The following CST7 variants were observed in gnomAD, a reference collection of about 807,000 sequenced individuals.
CST7 encodes the protein cystatin-F.
Under a neutral mutation model 13.1 loss-of-function variants are expected in CST7, and 15 were observed. The observed-to-expected ratio is 1.14, with a 90% CI of 0.77 to 1.76. The LOEUF is 1.76. Among genes scored for constraint, CST7 ranks in the 40% most tolerant of loss-of-function variants. CST7 has a pLI of 0.00. For missense variants in CST7, 193 were observed against 178.8 expected, an observed-to-expected ratio of 1.08 and a Z score of -0.45; for synonymous variants, 75 against 66.9, an observed-to-expected ratio of 1.12 and a Z score of -0.59.
chr20:24,953,029 G>C (rs573472178), intron 1 of CST7, among the ~76,000 whole-genome samples: 1 of 152,348 alleles, frequency 6.6e-6, no homozygotes, highest in South Asian at 2.1e-4. Flanking sequence ...GGACAGGAAC[G>C]TACCCTGCCC....
In CST7 at chr20:24,957,370, G is replaced by C. The variant is rs1173980463; in HGVS notation, c.154G>C (p.Ala52Pro). ...GACCAATGACCCAGGAGTCCTCCAA[G>C]CAGCCAGATACAGTGTTGAAAAGTT... is the stretch of plus-strand genomic sequence containing the variant. ...IKTNDPGVLQ[A>P]ARYSVEKFNN... Residue 52 changes from alanine to proline, a missense_variant, in exon 2 of 4, where the codon GCA becomes CCA. Coordinates refer to ENST00000480798, the MANE Select transcript of CST7 (RefSeq NM_003650.4). 9 of 1,613,796 alleles carry C rather than the reference G, an allele frequency of 5.6e-6. No homozygotes were observed. The highest frequency in any genetic ancestry group is 6.8e-6 in the Non-Finnish European group (8 of 1,179,802).
At chr20:24,953,816 G>A (rs2087836080) in intron 1 of CST7, among the ~76,000 whole-genome samples, 1 of 152,208 alleles carries the variant, frequency 6.6e-6, no homozygotes, top group African/African-American at 2.4e-5. Context: ...TTTCTATACA[G>A]ACGGATTTTA....
chr20:24,957,213 G>A, intron 1 of CST7, 74 bp from the exon 2 acceptor site: 1 of 1,471,370 alleles, frequency 6.8e-7, no homozygotes, highest in Non-Finnish European at 9.3e-7. Flanking sequence ...GCATCACAGA[G>A]GCATGAGGCG....
At position 24,959,682 on chromosome 20, in the gene CST7, C is replaced by T. The variant is rs762295495; in HGVS notation, c.408C>T (p.His136=). The change falls in exon 4 of 4, where the codon CAC becomes CAT. Residue 136 remains histidine (H), a synonymous_variant. Coordinates refer to ENST00000480798, the MANE Select transcript of CST7 (RefSeq NM_003650.4). ...TCTGGGTCGTGCCCTGGCTCCAGCA[C>T]TTCGAGGTGCCTGTTCTCCGTTGTC... ...SEVWVVPWLQ[H]FEVPVLRCH The T allele has an allele frequency of 1.9e-6, 3 of 1,614,002 alleles. No individual in the cohort carries two copies. Among genetic ancestry groups the T allele is most frequent in the Admixed American group, 1.7e-5 (1 of 60,016 alleles).
rs966988891 is a variant in CST7, at chr20:24,955,510, C to T, written c.71-1777C>T. Among the ~76,000 whole-genome samples the T allele has an allele frequency of 3.4e-5, 5 of 147,818 alleles. No individual in the cohort carries two copies. The South Asian group carries it at 8.7e-4, about 26-fold the overall frequency. ...TGTTGCCCAGGCTGGAGTGCAGTGGCGCGATCTCGGCTCACTGCAAGCTCC... is the reference window on the plus strand; with the variant it reads ...TGTTGCCCAGGCTGGAGTGCAGTGGTGCGATCTCGGCTCACTGCAAGCTCC... On this transcript the variant is annotated intron_variant, in intron 1 of 3. Coordinates refer to ENST00000480798, the MANE Select transcript of CST7 (RefSeq NM_003650.4).
intron 1 of CST7, among the ~76,000 whole-genome samples, chr20:24,956,341 C>G (rs2087853933): frequency 6.6e-6 from 1 of 152,142 alleles, no homozygotes; most frequent in Non-Finnish European, 1.5e-5. Context: ...CAGTGCCCAG[C>G]TATGAAGCCT....
At position 24,957,408 on chromosome 20, in the gene CST7, GAACGACAT is replaced by G. The variant is rs773240917; in HGVS notation, c.193_200del (p.Asn65ValfsTer42). Reference sequence around the variant, plus strand: ...GTGTTGAAAAGTTCAACAACTGCACGAACGACATGTTCTTGTTCAAGGAGTCCCGCATC... The same window carrying G: ...GTGTTGAAAAGTTCAACAACTGCACGGTTCTTGTTCAAGGAGTCCCGCATC... On this transcript the variant is annotated frameshift_variant, in exon 2 of 4. Coordinates refer to ENST00000480798, the MANE Select transcript of CST7 (RefSeq NM_003650.4). LOFTEE classifies it high-confidence loss of function. 1.9e-6 allele frequency: 3 copies of G among 1,613,724 alleles called. No homozygotes were observed. Among genetic ancestry groups the G allele is most frequent in the East Asian group, 4.5e-5 (2 of 44,878 alleles).
chr20:24,953,195 A>C (rs127131), intron 1 of CST7, among the ~76,000 whole-genome samples: 121,535 of 152,216 alleles, frequency 0.8, 49,364 homozygotes, highest in East Asian at 0.99. Context: ...CACAGCCAGT[A>C]GATGCTCAGA....
chr20:24,959,871 G>A lies in CST7; in HGVS notation c.*159G>A. 1 of 679,060 alleles carries A rather than the reference G, an allele frequency of 1.5e-6. No homozygotes were observed. The highest frequency in any genetic ancestry group is 2.7e-6 in the Non-Finnish European group (1 of 375,640). The allele number at this position is 679,060 out of a possible 1,614,324, so 42.1% of individuals were successfully genotyped here. ...TGGGTCACCGCAGGGCAGCTGGAAT[G>A]GCAGCATGGTAGCACCTCCTAACAG... is the stretch of plus-strand genomic sequence containing the variant. On this transcript the variant is annotated 3_prime_UTR_variant, in exon 4 of 4. Coordinates refer to ENST00000480798, the MANE Select transcript of CST7 (RefSeq NM_003650.4).
At chr20:24,958,421 G>A (rs1865547601) in intron 2 of CST7, among the ~76,000 whole-genome samples, 1 of 152,180 alleles carries the variant, frequency 6.6e-6, no homozygotes, top group Non-Finnish European at 1.5e-5. Flanking sequence ...TTCCCCTAAA[G>A]CTGAGACTAA....
rs774561103 is a variant in CST7, at chr20:24,957,407, C to T, written c.191C>T (p.Thr64Met). 31 of 1,613,634 alleles carry T rather than the reference C, an allele frequency of 1.9e-5. No individual in the cohort carries two copies. The highest frequency in any genetic ancestry group is 8.9e-5 in the East Asian group (4 of 44,886). The change falls in exon 2 of 4, where the codon ACG (threonine) becomes ATG (methionine). Residue 64 changes from threonine to methionine, a missense_variant. Coordinates refer to ENST00000480798, the MANE Select transcript of CST7 (RefSeq NM_003650.4). Reference sequence around the variant, plus strand: ...AGTGTTGAAAAGTTCAACAACTGCACGAACGACATGTTCTTGTTCAAGGAG... The same window carrying T: ...AGTGTTGAAAAGTTCAACAACTGCATGAACGACATGTTCTTGTTCAAGGAG... Reference protein sequence around the residue: ...RYSVEKFNNCTNDMFLFKESR... With the variant: ...RYSVEKFNNCMNDMFLFKESR...
At chr20:24,957,798 G>A (rs909467795) in intron 2 of CST7, among the ~76,000 whole-genome samples, 4 of 152,180 alleles carry the variant, frequency 2.6e-5, no homozygotes, top group Admixed American at 6.5e-5. Flanking sequence ...GCCGCTGTCC[G>A]AGGAGCTGCC....
At chr20:24,953,354 A>G (rs936897529) in intron 1 of CST7, among the ~76,000 whole-genome samples, 2 of 152,194 alleles carry the variant, frequency 1.3e-5, no homozygotes, top group Admixed American at 1.3e-4. Context: ...GCGTGATGTC[A>G]CAGCACAGGG....
intron 3 of CST7, 107 bp downstream of exon 3, chr20:24,959,151 C>A: frequency 1.1e-6 from 1 of 904,566 alleles, no homozygotes. Flanking sequence ...GCGCCCCAAA[C>A]CTCACCCCTG....
chr20:24,949,585 G>A lies in CST7; in HGVS notation c.70+10G>A, dbSNP rs45469992. The A allele has an allele frequency of 0.076, 123,085 of 1,613,776 alleles. 5,721 individuals carry two copies. The highest frequency in any genetic ancestry group is 0.081 in the South Asian group (7,419 of 91,056). ...GGGGGCCCTTCCCCAGGTAAGTGGC[G>A]TTCTCCCCTGTCCGCTCCCCGGGGG... On this transcript the variant is annotated intron_variant, in intron 1 of 3. Coordinates refer to ENST00000480798, the MANE Select transcript of CST7 (RefSeq NM_003650.4).
chr20:24,955,052 C>A lies in CST7; in HGVS notation c.71-2235C>A, dbSNP rs201075349. Reference sequence around the variant, plus strand: ...AAAGAAAGCAAAACAACAACAACAACAACAAAAAAAAACGCTAATCTGACA... The same window carrying A: ...AAAGAAAGCAAAACAACAACAACAAAAACAAAAAAAAACGCTAATCTGACA... On this transcript the variant is annotated intron_variant, in intron 1 of 3. Coordinates refer to ENST00000480798, the MANE Select transcript of CST7 (RefSeq NM_003650.4). Among the ~76,000 whole-genome samples the A allele has an allele frequency of 2.7e-3, 192 of 72,306 alleles. No homozygotes were observed. The East Asian group carries it at 0.053, about 20-fold the overall frequency. The allele number at this position is 72,306 out of a possible 152,430, so 47.4% of individuals were successfully genotyped here.
In CST7 at chr20:24,959,770, T is replaced by C. The variant is rs1034877347; in HGVS notation, c.*58T>C. ...CAAACACCAGGATGCATGCTCCTTG[T>C]CCCCTCCCACCCGCCTCATGACCCA... is the stretch of plus-strand genomic sequence containing the variant. On this transcript the variant is annotated 3_prime_UTR_variant, in exon 4 of 4. Coordinates refer to ENST00000480798, the MANE Select transcript of CST7 (RefSeq NM_003650.4). The C allele has an allele frequency of 3.9e-6, 6 of 1,545,514 alleles. No individual in the cohort carries two copies. In the African/African-American group the frequency reaches 6.8e-5, roughly 18 times the overall value.
At chr20:24,956,999 G>A (rs1225014896) in intron 1 of CST7, among the ~76,000 whole-genome samples, 7 of 127,920 alleles carry the variant, frequency 5.5e-5, no homozygotes, top group Admixed American at 1.5e-4. Flanking sequence ...GGGGACAGGT[G>A]AGGGGGCAGG....
intron 1 of CST7, among the ~76,000 whole-genome samples, chr20:24,952,802 G>A (rs1440357689): frequency 3.9e-5 from 6 of 152,216 alleles, no homozygotes; most frequent in African/African-American, 1.4e-4. Context: ...TCTCAGGGAT[G>A]GTTTCACAAG....
Sources: allele counts gnomAD v4.1 joint callset (sites outside exome capture counted in the v4.1 genomes callset), GRCh38; gene constraint gnomAD v4.1.1; transcripts MANE v1.5; gene names NCBI Gene and HGNC (gene_info 2026-07-23, HGNC 2026-07-21).